Variants in RAPGEF6 observed in about 807,000 individuals in gnomAD.
RAPGEF6 encodes Rap guanine nucleotide exchange factor 6, also known as PDZ domain containing guanine nucleotide exchange factor (GEF) 2.
In RAPGEF6, 56 loss-of-function variants were observed where a neutral mutation model predicts 171.4. The ratio of observed to expected loss-of-function variants is 0.33; its 90% CI spans 0.26 to 0.41. The LOEUF (loss-of-function observed/expected upper bound fraction) is 0.41, where lower values mean the gene tolerates loss of function less well. Ranked by LOEUF, RAPGEF6 falls within the 10% of genes least tolerant of loss-of-function variation. The pLI is 1.00. For missense variants in RAPGEF6, 1,674 were observed against 1,921.4 expected (o/e 0.87, Z 2.41); for synonymous variants, 692 against 650.1 (o/e 1.06, Z -0.98).
intron 3 of RAPGEF6, 136 bp downstream of exon 3, chr5:131,603,135 T>C: frequency 1.5e-6 from 1 of 682,756 alleles, no homozygotes; most frequent in Non-Finnish European, 2.5e-6. Context: ...TCTATGTATG[T>C]TATATACTTC....
At chr5:131,500,872 A>T (rs1756974829) in intron 11 of RAPGEF6, among the ~76,000 whole-genome samples, 1 of 146,876 alleles carries the variant, frequency 6.8e-6, no homozygotes, top group Non-Finnish European at 1.5e-5. Context: ...CCATAAAGTC[A>T]GTGTTGTTGA....
intron 4 of RAPGEF6, among the ~76,000 whole-genome samples, chr5:131,564,020 C>A (rs1761772249): frequency 6.6e-6 from 1 of 152,104 alleles, no homozygotes; most frequent in South Asian, 2.1e-4. Context: ...GAAGGCAGGG[C>A]AGGGCTGTAA....
At chr5:131,506,735 A>G (rs1170921907) in intron 9 of RAPGEF6, among the ~76,000 whole-genome samples, 2 of 152,192 alleles carry the variant, frequency 1.3e-5, no homozygotes, top group Non-Finnish European at 2.9e-5. Flanking sequence ...CCTGGCACAA[A>G]GTAGGCATAC....
At chr5:131,578,063 C>T (rs1227900766) in intron 4 of RAPGEF6, among the ~76,000 whole-genome samples, 2 of 152,188 alleles carry the variant, frequency 1.3e-5, no homozygotes, top group Non-Finnish European at 2.9e-5. Flanking sequence ...ACTTTTCCTC[C>T]GAACCATCGT....
intron 24 of RAPGEF6, chr5:131,435,789 C>A (rs1751972993): frequency 7.6e-7 from 1 of 1,307,474 alleles, no homozygotes; most frequent in Non-Finnish European, 1.0e-6. Flanking sequence ...TAACTCAATA[C>A]ATCAGTAAAA....
At chr5:131,463,767 A>G in intron 18 of RAPGEF6, 1 of 1,055,878 alleles carries the variant, frequency 9.5e-7, no homozygotes. Context: ...GGCCATATTA[A>G]AAACAAATTT....
chr5:131,464,997 T>G (rs527906696), intron 17 of RAPGEF6, among the ~76,000 whole-genome samples: 18 of 152,300 alleles, frequency 1.2e-4, no homozygotes, highest in Non-Finnish European at 2.5e-4. Context: ...ATCATTATTT[T>G]TTCATTTCTT....
At chr5:131,539,711 T>C (rs1406590330) in intron 6 of RAPGEF6, among the ~76,000 whole-genome samples, 1 of 152,216 alleles carries the variant, frequency 6.6e-6, no homozygotes, top group African/African-American at 2.4e-5. Flanking sequence ...GGTGTCCTAA[T>C]AATCACCTCT....
chr5:131,521,749 T>C (rs1197635763), intron 6 of RAPGEF6, among the ~76,000 whole-genome samples: 1 of 151,620 alleles, frequency 6.6e-6, no homozygotes, highest in African/African-American at 2.4e-5. Flanking sequence ...CAAAAGCCAT[T>C]ACTAATGATA....
At chr5:131,538,265 G>C (rs1759905931) in intron 6 of RAPGEF6, among the ~76,000 whole-genome samples, 1 of 152,180 alleles carries the variant, frequency 6.6e-6, no homozygotes, top group Non-Finnish European at 1.5e-5. Context: ...TCTGAGGAAT[G>C]TGTCATTAGG....
intron 6 of RAPGEF6, among the ~76,000 whole-genome samples, chr5:131,528,095 AAATTT>A (rs1759031862): frequency 2.5e-5 from 2 of 79,918 alleles, no homozygotes; most frequent in South Asian, 3.7e-4. Flanking sequence ...TATGTAATAT[AAATTT>A]ATATATTATA....
chr5:131,502,868 G>A (rs141188997), intron 11 of RAPGEF6, among the ~76,000 whole-genome samples: 3,061 of 151,848 alleles, frequency 0.02, 105 homozygotes, highest in African/African-American at 0.07. Flanking sequence ...GTGTGATCTC[G>A]GCTCACTGCA....
chr5:131,554,377 A>C (rs901115292), intron 5 of RAPGEF6, among the ~76,000 whole-genome samples: 3 of 152,264 alleles, frequency 2.0e-5, no homozygotes, highest in African/African-American at 7.2e-5. Flanking sequence ...TAAAAGCAAA[A>C]AATATTAAAT....
At chr5:131,511,078 G>A (rs908922476) in intron 7 of RAPGEF6, among the ~76,000 whole-genome samples, 1 of 152,154 alleles carries the variant, frequency 6.6e-6, no homozygotes, top group Non-Finnish European at 1.5e-5. Flanking sequence ...ATCTAAAAGT[G>A]TGCAAAGAGC....
At chr5:131,473,896 G>C (rs1473867488) in intron 16 of RAPGEF6, among the ~76,000 whole-genome samples, 1 of 152,166 alleles carries the variant, frequency 6.6e-6, no homozygotes, top group East Asian at 1.9e-4. Context: ...GGATATGACA[G>C]AGCTGAAGAG....
chr5:131,496,007 G>A (rs911406007), intron 12 of RAPGEF6, among the ~76,000 whole-genome samples: 6 of 152,120 alleles, frequency 3.9e-5, no homozygotes, highest in East Asian at 1.9e-4. Flanking sequence ...TACCGAAAGC[G>A]TTTCCATGGT....
intron 1 of RAPGEF6, among the ~76,000 whole-genome samples, chr5:131,627,724 C>CT (rs903692732): frequency 4.0e-5 from 6 of 151,204 alleles, no homozygotes; most frequent in East Asian, 1.9e-4. Flanking sequence ...GGGTTGTTTT[C>CT]TTTTTTTTTA....
chr5:131,590,972 CA>C (rs1763553344), intron 4 of RAPGEF6, among the ~76,000 whole-genome samples: 1 of 152,020 alleles, frequency 6.6e-6, no homozygotes, highest in Non-Finnish European at 1.5e-5. Flanking sequence ...GGAAAAGGAA[CA>C]ATGGCCAAAA....
rs534149212 is a variant in RAPGEF6 at position 131,533,585 on chromosome 5, T to A, written c.496-12064A>T. 4.6e-5 allele frequency among the ~76,000 whole-genome samples: 7 copies of A among 152,156 alleles called. No homozygotes were observed. In the South Asian group the frequency reaches 1.5e-3, roughly 32 times the overall value. On this transcript the variant is annotated intron_variant, in intron 6 of 27. Coordinates refer to ENST00000509018, the MANE Select transcript of RAPGEF6 (RefSeq NM_016340.6). ...TCACTCTAAATTAACATTAAGAATA[T>A]ACAAACTAGTACTAAGATTTGTAGG...
Sources: allele counts gnomAD v4.1 joint callset (sites outside exome capture counted in the v4.1 genomes callset), GRCh38; gene constraint gnomAD v4.1.1; transcripts MANE v1.5; gene names NCBI Gene and HGNC (gene_info 2026-07-23, HGNC 2026-07-21).